Variants in DMD observed in about 807,000 individuals in gnomAD.
The protein encoded by DMD is dystrophin.
In DMD, 63 loss-of-function variants were observed where a neutral mutation model predicts 330.1. That is an observed-to-expected ratio of 0.19 (90% CI 0.16 to 0.24). The LOEUF (loss-of-function observed/expected upper bound fraction) is 0.24. DMD is among the 10% of genes least tolerant of loss of function. DMD has a pLI of 1.00. For missense variants in DMD, 3,344 were observed against 2,684.1 expected, an observed-to-expected ratio of 1.25 and a Z score of -5.43; for synonymous variants, 1,223 against 959.8, an observed-to-expected ratio of 1.27 and a Z score of -5.07.
At chrX:32,569,818 T>TC (rs1256185919) in intron 15 of DMD, among the ~76,000 whole-genome samples, 1 of 110,672 alleles carries the variant, frequency 9.0e-6, no homozygotes, top group African/African-American at 3.3e-5. Context: ...GAGCTGTCCT[T>TC]CCCCAGCAAA....
At chrX:31,923,214 G>A (rs1483874165) in intron 47 of DMD, among the ~76,000 whole-genome samples, 2 of 111,787 alleles carry the variant, frequency 1.8e-5, no homozygotes, top group Admixed American at 1.9e-4. Context: ...GAAATTATAG[G>A]AGGCAAAGTC....
chrX:31,494,647 A>C (rs1235922056), intron 57 of DMD, among the ~76,000 whole-genome samples: 1 of 111,997 alleles, frequency 8.9e-6, no homozygotes, highest in Non-Finnish European at 1.9e-5. Flanking sequence ...GGACTGCGTT[A>C]AGTACAGACA....
chrX:32,033,587 AAGAC>A (rs377682883), intron 44 of DMD, among the ~76,000 whole-genome samples: 47 of 71,879 alleles, frequency 6.5e-4, no homozygotes, highest in African/African-American at 9.3e-4. Flanking sequence ...TTAAAAAAAC[AAGAC>A]AGACAGACAG....
At chrX:31,422,671 G>C (rs67441288) in intron 60 of DMD, among the ~76,000 whole-genome samples, 3,107 of 111,722 alleles carry the variant, frequency 0.028, 99 homozygotes, top group African/African-American at 0.095. Flanking sequence ...AAATAGAAGA[G>C]CTCAGAAATA....
At chrX:31,151,790 A>G (rs1157568595) in intron 74 of DMD, among the ~76,000 whole-genome samples, 1 of 110,879 alleles carries the variant, frequency 9.0e-6, no homozygotes, top group Non-Finnish European at 1.9e-5. Context: ...ATTCTCAGCT[A>G]TGACAGCTTC....
At chrX:32,874,842 T>C (rs1429400085) in intron 2 of DMD, among the ~76,000 whole-genome samples, 2 of 111,492 alleles carry the variant, frequency 1.8e-5, no homozygotes, top group African/African-American at 3.3e-5. Context: ...AGAAGACATC[T>C]ACAAGTCCTC....
At chrX:32,661,377 C>T (rs2060932949) in intron 9 of DMD, among the ~76,000 whole-genome samples, 1 of 103,970 alleles carries the variant, frequency 9.6e-6, no homozygotes, top group African/African-American at 4.2e-5. Context: ...TGATTATTGT[C>T]TACATTTTAC....
At chrX:32,744,438 T>G (rs2069715303) in intron 7 of DMD, among the ~76,000 whole-genome samples, 1 of 111,420 alleles carries the variant, frequency 9.0e-6, no homozygotes. Flanking sequence ...TGGTTTCAAC[T>G]GTTAAATATG....
intron 2 of DMD, among the ~76,000 whole-genome samples, chrX:32,927,659 A>C (rs2089188698): frequency 9.0e-6 from 1 of 111,496 alleles, no homozygotes; most frequent in Non-Finnish European, 1.9e-5. Context: ...TTGATTTCCC[A>C]ACTAGGATAT....
At chrX:32,471,965 T>C (rs2148482943) in intron 22 of DMD, among the ~76,000 whole-genome samples, 199 bp downstream of exon 22, 1 of 112,533 alleles carries the variant, frequency 8.9e-6, no homozygotes, top group South Asian at 3.7e-4. Flanking sequence ...AAAAACAGCA[T>C]GTATATATGC....
Position 32,815,520 on chromosome X carries a change from T to TATATATATACAC in DMD, c.530+947_530+948insGTGTATATATAT. ...ATATATATATATATATATATATATA[T>TATATATATACAC]ACACACACACACACACATATATATA... On this transcript the variant is annotated intron_variant, in intron 6 of 78. Transcript: ENST00000357033. 5.1e-4 allele frequency among the ~76,000 whole-genome samples: 40 copies of TATATATATACAC among 78,914 alleles called. No individual in the cohort carries two copies. The East Asian group carries it at 6.0e-3, about 12-fold the overall frequency. 68.5% of individuals were successfully genotyped at this position (78,914 alleles called of 115,157 possible).
chrX:31,396,553 T>G (rs1346831547), intron 60 of DMD, among the ~76,000 whole-genome samples: 1 of 30,467 alleles, frequency 3.3e-5, no homozygotes, highest in African/African-American at 2.7e-4. Flanking sequence ...CCAGGGTTTT[T>G]TTTTTTTTTT....
intron 50 of DMD, among the ~76,000 whole-genome samples, chrX:31,799,145 C>T (rs924483995): frequency 1.8e-5 from 2 of 111,957 alleles, no homozygotes; most frequent in South Asian, 3.7e-4. Flanking sequence ...TTGAACAATA[C>T]GCTGATTTCT....
intron 7 of DMD, among the ~76,000 whole-genome samples, chrX:32,783,207 CAT>C (rs771980224): frequency 1.4e-3 from 133 of 97,578 alleles, no homozygotes; most frequent in Admixed American, 1.6e-3. Context: ...TACATATACA[CAT>C]ATGTGTATAT....
intron 44 of DMD, among the ~76,000 whole-genome samples, chrX:32,034,972 C>T (rs1018596235): frequency 9.0e-6 from 1 of 111,385 alleles, no homozygotes; most frequent in African/African-American, 3.3e-5. Flanking sequence ...ACTTTATTTG[C>T]TACTTAAATT....
At chrX:31,522,398 A>G (rs923610448) in intron 55 of DMD, among the ~76,000 whole-genome samples, 2 of 66,595 alleles carry the variant, frequency 3.0e-5, no homozygotes, top group African/African-American at 1.4e-4. Flanking sequence ...GCTGCACAGG[A>G]AGGAGGGCCT....
At chrX:33,240,152 A>G (rs181639663) in intron 1 of DMD, among the ~76,000 whole-genome samples, 15 of 111,700 alleles carry the variant, frequency 1.3e-4, no homozygotes, top group African/African-American at 4.2e-4. Flanking sequence ...TGTACAATAG[A>G]TCTCTTGATT....
At position 32,632,219 on chromosome X, in the gene DMD, T is replaced by G. The variant is rs73465698; in HGVS notation, c.1331+11913A>C. Among the ~76,000 whole-genome samples the G allele has an allele frequency of 9.4e-3, 1,051 of 112,207 alleles. 20 individuals are homozygous for G. The highest frequency in any genetic ancestry group is 0.032 in the African/African-American group (985 of 30,852). On this transcript the variant is annotated intron_variant, in intron 11 of 78. Transcript: ENST00000357033. ...ATCTTAAAACTCCAAAATTATCTGC[T>G]TTGACTCCATGTCCTACATCCAGGG...
chrX:31,821,002 GC>G (rs1168888008), intron 49 of DMD, among the ~76,000 whole-genome samples: 1 of 112,793 alleles, frequency 8.9e-6, no homozygotes, highest in East Asian at 2.8e-4. Flanking sequence ...ACTTCACTGG[GC>G]AGCTAGCTAT....
Sources: gnomAD v4.1 joint callset for allele counts (sites outside exome capture counted in the v4.1 genomes callset) on GRCh38, gnomAD v4.1.1 for gene constraint, MANE v1.5 for transcripts, NCBI Gene and HGNC (gene_info 2026-07-23, HGNC 2026-07-21) for gene names.